FRAS1: variants seen among roughly 807,000 people sequenced by gnomAD.
FRAS1 encodes Fraser extracellular matrix complex subunit 1.
FRAS1 carries 290 observed loss-of-function variants against 435.2 expected under a neutral mutation model. The observed-to-expected ratio is 0.67, with a 90% CI of 0.61 to 0.73. The LOEUF (loss-of-function observed/expected upper bound fraction) is 0.73, where lower values mean the gene tolerates loss of function less well. FRAS1 is among the 30% of genes least tolerant of loss of function. FRAS1 has a pLI of 0.00. For missense variants in FRAS1, 4,860 were observed against 5,001.5 expected (o/e 0.97, Z 0.85); for synonymous variants, 1,800 against 1,851.0 (o/e 0.97, Z 0.71).
intron 16 of FRAS1, 101 bp from the exon 17 acceptor site, chr4:78,317,267 C>A: frequency 7.4e-7 from 1 of 1,348,998 alleles, no homozygotes; most frequent in Non-Finnish European, 1.1e-6. Flanking sequence ...GTGTGACATC[C>A]ACAGGGGACT....
At position 78,335,779 on chromosome 4, in the gene FRAS1, A is replaced by C. The variant is rs1730145283; in HGVS notation, c.2279-1895A>C. On this transcript the variant is annotated intron_variant, in intron 19 of 73. Coordinates refer to ENST00000512123, the MANE Select transcript of FRAS1 (RefSeq NM_025074.7). ...AACATGTCAGTCCAGTATGTTTTTT[A>C]AGATCACCTTTATGTTTTAGTGACA... 1.3e-5 allele frequency among the ~76,000 whole-genome samples: 2 copies of C among 152,156 alleles called. 1 individual carries two copies. The highest frequency in any genetic ancestry group is 4.1e-4 in the South Asian group (2 of 4,824).
At chr4:78,421,237 T>C (rs1029289156) in intron 33 of FRAS1, among the ~76,000 whole-genome samples, 3 of 152,136 alleles carry the variant, frequency 2.0e-5, no homozygotes, top group Non-Finnish European at 2.9e-5. Context: ...AACCTCCACC[T>C]CCTGGGTTCA....
chr4:78,066,059 A>G (rs1740023041), intron 2 of FRAS1, 43 bp downstream of exon 2: 1 of 1,416,044 alleles, frequency 7.1e-7, no homozygotes, highest in East Asian at 2.3e-5. Flanking sequence ...ATTTGAATGT[A>G]AAATGCTTGA....
At chr4:78,502,005 T>G (rs1720697930) in intron 61 of FRAS1, among the ~76,000 whole-genome samples, 1 of 152,206 alleles carries the variant, frequency 6.6e-6, no homozygotes. Flanking sequence ...TTTTGTCAGG[T>G]TTGTCAAAGA....
At chr4:78,168,097 C>A (rs1220593578) in intron 2 of FRAS1, among the ~76,000 whole-genome samples, 1 of 152,070 alleles carries the variant, frequency 6.6e-6, no homozygotes, top group Non-Finnish European at 1.5e-5. Flanking sequence ...GTGTTATCCT[C>A]CCAAGCTGGC....
chr4:78,503,146 T>A (rs895523013), intron 61 of FRAS1, among the ~76,000 whole-genome samples: 6 of 152,238 alleles, frequency 3.9e-5, no homozygotes, highest in African/African-American at 1.2e-4. Context: ...TTCGCATTGA[T>A]GGTCATCAGG....
At chr4:78,449,492 C>G (rs1718952561) in intron 44 of FRAS1, among the ~76,000 whole-genome samples, 1 of 152,174 alleles carries the variant, frequency 6.6e-6, no homozygotes, top group Non-Finnish European at 1.5e-5. Context: ...GCATGAATAA[C>G]TAGGCTCTAC....
At position 78,337,748 on chromosome 4, in the gene FRAS1, C is replaced by G; in HGVS notation, c.2353C>G (p.Leu785Val). 3 of 1,613,944 alleles carry G rather than the reference C, an allele frequency of 1.9e-6. No individual in the cohort carries two copies. The highest frequency in any genetic ancestry group is 2.5e-6 in the Non-Finnish European group (3 of 1,179,832). Residue 785 changes from leucine (L) to valine (V), a missense_variant, in exon 20 of 74, where the codon CTT (leucine) becomes GTT (valine). Physicochemically the swap from Leu to Val is conservative, Grantham distance 32. Transcript: ENST00000512123. ...CATCTCCTGTTACCCTCACATCTCT[C>G]TTACCAATGGTAACTGCAGGACCAG... ...DCISCYPHIS[L>V]TNGNCRTSCR...
chr4:78,427,989 A>G (rs1560721360), intron 35 of FRAS1, among the ~76,000 whole-genome samples: 1 of 152,234 alleles, frequency 6.6e-6, no homozygotes, highest in Non-Finnish European at 1.5e-5. Context: ...AATAATTAAC[A>G]GTGCAGTTTT....
intron 59 of FRAS1, among the ~76,000 whole-genome samples, chr4:78,493,695 T>C (rs1264686930): frequency 6.6e-6 from 1 of 152,008 alleles, no homozygotes; most frequent in African/African-American, 2.4e-5. Context: ...TTAGGAGGAA[T>C]ACCCAATTTA....
intron 20 of FRAS1, among the ~76,000 whole-genome samples, chr4:78,356,639 T>C (rs423884): frequency 0.066 from 10,080 of 152,172 alleles, 623 homozygotes; most frequent in African/African-American, 0.17. Flanking sequence ...AAAAGGGGCT[T>C]CTGCAGATGC....
rs191421764 is a variant in FRAS1, at chr4:78,098,965, G to A, written c.108+32949G>A. Among the ~76,000 whole-genome samples, 57 of 152,300 alleles carry A rather than the reference G, an allele frequency of 3.7e-4. 1 individual carries two copies. Among genetic ancestry groups the A allele is most frequent in the Admixed American group, 3.7e-3 (57 of 15,306 alleles). On this transcript the variant is annotated intron_variant, in intron 2 of 73. Coordinates refer to ENST00000512123, the MANE Select transcript of FRAS1 (RefSeq NM_025074.7). Reference sequence around the variant, plus strand: ...GTGCTCTCTTTTTATGGGTGGGATGGCAGGGGAGATGTAACAGCAGAACCT... The same window carrying A: ...GTGCTCTCTTTTTATGGGTGGGATGACAGGGGAGATGTAACAGCAGAACCT...
At chr4:78,381,438 T>A (rs1040094683) in intron 27 of FRAS1, among the ~76,000 whole-genome samples, 6 of 152,160 alleles carry the variant, frequency 3.9e-5, no homozygotes, top group African/African-American at 1.2e-4. Context: ...TACAGGCACA[T>A]GCCACCATAC....
At chr4:78,412,925 C>T in intron 31 of FRAS1, 44 bp from the exon 32 acceptor site, 1 of 1,267,326 alleles carries the variant, frequency 7.9e-7, no homozygotes, top group Non-Finnish European at 1.1e-6. Context: ...ACATGCTCTG[C>T]TCAATAGAAG....
intron 56 of FRAS1, 105 bp from the exon 57 acceptor site, chr4:78,481,699 G>C: frequency 7.8e-7 from 1 of 1,279,982 alleles, no homozygotes. Context: ...AGCTCAAAGG[G>C]CTAAAAGCTG....
In FRAS1 at chr4:78,522,635, T is replaced by G. The variant is rs1381949061; in HGVS notation, c.10649-14T>G. Reference sequence around the variant, plus strand: ...CACAAGTACATTAAATGCATGTGTTTCCCCTTCAAATAGGACAGTTTGTGA... The same window carrying G: ...CACAAGTACATTAAATGCATGTGTTGCCCCTTCAAATAGGACAGTTTGTGA... On this transcript the variant is annotated splice_polypyrimidine_tract_variant and intron_variant, in intron 68 of 73. Coordinates refer to ENST00000512123, the MANE Select transcript of FRAS1 (RefSeq NM_025074.7). 1 of 1,589,346 alleles carries G rather than the reference T, an allele frequency of 6.3e-7. No homozygotes were observed. The highest frequency in any genetic ancestry group is 8.6e-7 in the Non-Finnish European group (1 of 1,166,948).
chr4:78,332,787 T>C (rs1729998750), intron 18 of FRAS1, among the ~76,000 whole-genome samples: 1 of 152,232 alleles, frequency 6.6e-6, no homozygotes. Flanking sequence ...GCTCAACATG[T>C]TGGGCAATTC....
chr4:78,413,141 A>G, intron 32 of FRAS1, 56 bp downstream of exon 32: 1 of 994,062 alleles, frequency 1.0e-6, no homozygotes, highest in South Asian at 1.5e-5. Context: ...CAGCACGCTG[A>G]TGGGATTTGA....
At position 78,420,879 on chromosome 4, in the gene FRAS1, CATATATATATAT is replaced by C. The variant is rs72430754; in HGVS notation, c.4541-953_4541-942del. 0.012 allele frequency among the ~76,000 whole-genome samples: 1,180 copies of C among 95,496 alleles called. 38 individuals are homozygous for C. In the East Asian group the frequency reaches 0.21, roughly 17 times the overall value. The allele number at this position is 95,496 out of a possible 152,430, so 62.6% of individuals were successfully genotyped here. ...CTCTAGAGGGACAGAACTAATAGGA[CATATATATATAT>C]ATATATATATATATATATATATATA... On this transcript the variant is annotated intron_variant, in intron 33 of 73. Coordinates refer to ENST00000512123, the MANE Select transcript of FRAS1 (RefSeq NM_025074.7).
Sources: allele counts gnomAD v4.1 joint callset (sites outside exome capture counted in the v4.1 genomes callset), GRCh38; gene constraint gnomAD v4.1.1; transcripts MANE v1.5; gene names NCBI Gene and HGNC (gene_info 2026-07-23, HGNC 2026-07-21).